SNAPC4: variants seen among roughly 807,000 people sequenced by gnomAD.
SNAPC4 encodes the protein snRNA-activating protein complex subunit 4.
SNAPC4 carries 127 observed loss-of-function variants against 151.3 expected under a neutral mutation model. The observed-to-expected ratio is 0.84, with a 90% CI of 0.73 to 0.97. SNAPC4 has a LOEUF of 0.97. Among genes scored for constraint, SNAPC4 ranks in the 50% least tolerant of loss-of-function variants. SNAPC4 has a pLI of 0.00. For missense variants in SNAPC4, 2,186 were observed against 1,935.0 expected (o/e 1.13, Z -2.43); for synonymous variants, 1,002 against 824.4 (o/e 1.22, Z -3.69).
chr9:136,384,094 G>A, intron 14 of SNAPC4, 62 bp from the exon 15 acceptor site: 1 of 1,446,972 alleles, frequency 6.9e-7, no homozygotes, highest in South Asian at 1.2e-5. Flanking sequence ...GGACAGGCTT[G>A]CTGTTCCCCA....
chr9:136,397,929 T>G (rs1025678168), intron 2 of SNAPC4, among the ~76,000 whole-genome samples: 19 of 151,976 alleles, frequency 1.3e-4, no homozygotes, highest in African/African-American at 4.4e-4. Flanking sequence ...CTGGGATGCC[T>G]AGAGCCCAGT....
chr9:136,385,939 G>A (rs577421351), intron 13 of SNAPC4, among the ~76,000 whole-genome samples: 8 of 152,012 alleles, frequency 5.3e-5, no homozygotes, highest in South Asian at 2.1e-4. Flanking sequence ...GGCTGCTTCC[G>A]GCCTTTCACT....
intron 21 of SNAPC4, 141 bp downstream of exon 21, chr9:136,379,696 G>A: frequency 1.2e-6 from 1 of 800,424 alleles, no homozygotes; most frequent in Admixed American, 2.0e-5. Flanking sequence ...CCCTGTGGTG[G>A]GACTCGAGGG....
At chr9:136,384,853 C>T (rs755697668) in intron 13 of SNAPC4, 39 bp from the exon 14 acceptor site, 58 of 1,137,972 alleles carry the variant, frequency 5.1e-5, no homozygotes, top group African/African-American at 4.4e-4. Flanking sequence ...TTTTAGATGC[C>T]GAGACGCCGC....
chr9:136,395,699 T>G lies in SNAPC4; in HGVS notation c.249A>C (p.Pro83=). Residue 83 remains proline, a synonymous_variant, in exon 4 of 24, where the codon CCA becomes CCC. Transcript: ENST00000684778. ...DPKDKTLPED[P]ETCLQLNMVY... is the part of the protein sequence containing the mutation. Reference sequence around the variant, plus strand: ...CCATGTTCAGCTGCAGGCAGGTTTCTGGGTCTTCAGGGAGGGTTTTATCCT... The same window carrying G: ...CCATGTTCAGCTGCAGGCAGGTTTCGGGGTCTTCAGGGAGGGTTTTATCCT... 1 of 1,613,510 alleles carries G rather than the reference T, an allele frequency of 6.2e-7. No homozygotes were observed. Among genetic ancestry groups the G allele is most frequent in the Non-Finnish European group, 8.5e-7 (1 of 1,179,986 alleles).
rs1198631160 is a variant in SNAPC4, at chr9:136,377,637, C to A, written c.4190G>T (p.Gly1397Val). 6.3e-7 allele frequency: 1 copy of A among 1,584,592 alleles called. No individual in the cohort carries two copies. The highest frequency in any genetic ancestry group is 8.6e-7 in the Non-Finnish European group (1 of 1,163,802). The change falls in exon 22 of 24, where the codon GGC (glycine) becomes GTC (valine). Residue 1397 changes from glycine (G) to valine (V), a missense_variant. Coordinates refer to ENST00000684778, the MANE Select transcript of SNAPC4 (RefSeq NM_003086.4). The stretch of plus-strand genomic sequence containing the variant: ...GAGGTCTTCATCCTCACTCTCAGAG[C>A]CCACCCTCGAAGGTACTGAGAGGGT... ...RTTLSVPSRVGSESEDEDLLS... is the reference protein window; with the variant it reads ...RTTLSVPSRVVSESEDEDLLS...
Position 136,398,434 on chromosome 9 carries a change from C to T in SNAPC4, c.-6G>A, listed in dbSNP as rs1834348000. 1.2e-6 allele frequency: 2 copies of T among 1,611,304 alleles called. No homozygotes were observed. Among genetic ancestry groups the T allele is most frequent in the African/African-American group, 2.7e-5 (2 of 74,872 alleles). ...CTTTCAGCATCTACATCCATGACTC[C>T]CGCCTGCCTCCAAAACACACCCCGA... On this transcript the variant is annotated 5_prime_UTR_variant, in exon 2 of 24. Transcript: ENST00000684778.
Position 136,378,922 on chromosome 9 carries a change from A to G in SNAPC4, c.2905T>C (p.Trp969Arg). The G allele has an allele frequency of 1.9e-6, 3 of 1,610,950 alleles. No homozygotes were observed. Among genetic ancestry groups the G allele is most frequent in the Non-Finnish European group, 2.5e-6 (3 of 1,179,492 alleles). ...AAAKPGTSGS[W>R]QEAGTSAKDK... Reference sequence around the variant, plus strand: ...TTGGCTGAAGTCCCAGCCTCCTGCCAGGAGCCAGAAGTGCCAGGTTTGGCT... The same window carrying G: ...TTGGCTGAAGTCCCAGCCTCCTGCCGGGAGCCAGAAGTGCCAGGTTTGGCT... Residue 969 changes from tryptophan to arginine, a missense_variant, in exon 22 of 24, where the codon TGG becomes CGG. Physicochemically the swap from Trp to Arg is moderately radical, Grantham distance 101 (BLOSUM62 -3). Transcript: ENST00000684778.
intron 11 of SNAPC4, among the ~76,000 whole-genome samples, 199 bp downstream of exon 11, chr9:136,388,245 C>T (rs546495564): frequency 7.6e-6 from 1 of 131,932 alleles, no homozygotes; most frequent in South Asian, 2.4e-4. Flanking sequence ...CCATCCTGGG[C>T]AACAAGAGTG....
chr9:136,381,689 A>T, intron 18 of SNAPC4, 135 bp downstream of exon 18: 1 of 1,100,188 alleles, frequency 9.1e-7, no homozygotes, highest in Non-Finnish European at 1.3e-6. Flanking sequence ...GAAGCTGACC[A>T]GAGGTGGCGC....
Position 136,376,622 on chromosome 9 carries a change from C to T in SNAPC4, c.4285-141G>A, listed in dbSNP as rs2131458877. On this transcript the variant is annotated intron_variant, in intron 22 of 23. Transcript: ENST00000684778. ...ACCCTCAGCTCAGGCGGGAGCTGCT[C>T]CAGGCACTCCTGGGGCCACACGTGA... 5 of 938,788 alleles carry T rather than the reference C, an allele frequency of 5.3e-6. No individual in the cohort carries two copies. The South Asian group carries it at 7.4e-5, about 14-fold the overall frequency. 58.2% of individuals were successfully genotyped at this position (938,788 alleles called of 1,614,324 possible).
At position 136,381,827 on chromosome 9, in the gene SNAPC4, G is replaced by C. The variant is rs770895824; in HGVS notation, c.2314C>G (p.Gln772Glu). Residue 772 changes from glutamine (Q) to glutamate (E), a missense_variant, in exon 18 of 24, where the codon CAA (glutamine) becomes GAA (glutamate). By Grantham distance (29) the Gln-to-Glu change is conservative. Transcript: ENST00000684778. The stretch of plus-strand genomic sequence containing the variant: ...CCAGAGGAGCCCCAGGCCATACCTT[G>C]AGTCTGCACTACGGCGGGTCTCTGG... ...ASQRPAVVQT[Q>E]ADGLREQLQQ... The C allele has an allele frequency of 5.0e-6, 8 of 1,611,582 alleles. No homozygotes were observed. The Admixed American group carries it at 1.0e-4, about 20-fold the overall frequency.
chr9:136,383,959 C>T lies in SNAPC4; in HGVS notation c.1494G>A (p.Met498Ile). The T allele has an allele frequency of 6.2e-7, 1 of 1,613,470 alleles. No homozygotes were observed. The change falls in exon 15 of 24, where the codon ATG becomes ATA. Residue 498 changes from methionine (M) to isoleucine (I), a missense_variant. Physicochemically the swap from Met to Ile is conservative, Grantham distance 10 (BLOSUM62 1). Coordinates refer to ENST00000684778, the MANE Select transcript of SNAPC4 (RefSeq NM_003086.4). This position sits in a 1 kb window ranked among gnomAD's most constrained non-coding sequence, Gnocchi z 4.2. Reference protein sequence around the residue: ...GSQCLSKWKIMMGKKQGLRRR... With the variant: ...GSQCLSKWKIIMGKKQGLRRR... The stretch of plus-strand genomic sequence containing the variant: ...GAAGGAGCGAGTGGCTCACCCCCAT[C>T]ATGATCTTCCACTTGCTCAGACACT...
Position 136,392,664 on chromosome 9 carries a change from C to G in SNAPC4, c.737+9G>C, listed in dbSNP as rs928206666. The G allele has an allele frequency of 1.2e-6, 2 of 1,613,096 alleles. No individual in the cohort carries two copies. ...GCTCCCCTGGGCCCTCCCGGGAGGC[C>G]CCCCTCACTTGATGTCCTGGATCTC... is the stretch of plus-strand genomic sequence containing the variant. On this transcript the variant is annotated intron_variant, in intron 8 of 23. Transcript: ENST00000684778.
Position 136,377,957 on chromosome 9 carries a change from C to G in SNAPC4, c.3870G>C (p.Arg1290=). 6.2e-7 allele frequency: 1 copy of G among 1,602,366 alleles called. No homozygotes were observed. Among genetic ancestry groups the G allele is most frequent in the South Asian group, 1.1e-5 (1 of 90,696 alleles). The change falls in exon 22 of 24, where the codon CGG becomes CGC. Residue 1290 remains arginine, a synonymous_variant. Coordinates refer to ENST00000684778, the MANE Select transcript of SNAPC4 (RefSeq NM_003086.4). ...AATQQWLGGQ[R]GVRVPLLGSR... The stretch of plus-strand genomic sequence containing the variant: ...TGCCCAGAAGAGGCACACGCACCCC[C>G]CGCTGGCCCCCCAGCCACTGCTGTG...
At chr9:136,376,625 G>GGAGTGCCTGGA in intron 22 of SNAPC4, 144 bp from the exon 23 acceptor site, 4 of 907,126 alleles carry the variant, frequency 4.4e-6, no homozygotes, top group Non-Finnish European at 6.9e-6. Flanking sequence ...AGCTGCTCCA[G>GGAGTGCCTGGA]GCACTCCTGG....
Position 136,383,443 on chromosome 9 carries a change from T to C in SNAPC4, c.1726A>G (p.Arg576Gly). 6.4e-7 allele frequency: 1 copy of C among 1,562,736 alleles called. No individual in the cohort carries two copies. Among genetic ancestry groups the C allele is most frequent in the Middle Eastern group, 1.7e-4 (1 of 5,776 alleles). ...CTCCATGGCTGGCTGGTGCTCTGCC[T>C]GGCAGGAACCCACAGGTCCATGTCC... The part of the protein sequence containing the change: ...VPDMDLWVPA[R>G]QSTSQPWRGG... Residue 576 changes from arginine (R) to glycine (G), a missense_variant, in exon 16 of 24, where the codon AGG becomes GGG. Coordinates refer to ENST00000684778, the MANE Select transcript of SNAPC4 (RefSeq NM_003086.4). The surrounding 1 kb of genome is among the most constrained non-coding windows in gnomAD (Gnocchi z 4.2).
At chr9:136,388,668 G>T in intron 10 of SNAPC4, 77 bp from the exon 11 acceptor site, 1 of 1,572,004 alleles carries the variant, frequency 6.4e-7, no homozygotes. Flanking sequence ...GTGCCCCAGG[G>T]CACAGGTGGG....
At chr9:136,385,581 G>A (rs993008175) in intron 13 of SNAPC4, among the ~76,000 whole-genome samples, 2 of 150,624 alleles carry the variant, frequency 1.3e-5, no homozygotes, top group East Asian at 1.9e-4. Context: ...TTTTTGAGAC[G>A]GAGGCTCACT....
Sources: gnomAD v4.1 joint callset for allele counts (sites outside exome capture counted in the v4.1 genomes callset) on GRCh38, gnomAD v4.1.1 for gene constraint, Gnocchi (gnomAD v3.1) non-coding constraint, MANE v1.5 for transcripts, NCBI Gene and HGNC (gene_info 2026-07-23, HGNC 2026-07-21) for gene names.